GALNTL6: variants seen among roughly 807,000 people sequenced by gnomAD.
The protein encoded by GALNTL6 is polypeptide N-acetylgalactosaminyltransferase like 6, also known as polypeptide N-acetylgalactosaminyltransferase-like 6.
GALNTL6 carries 46 observed loss-of-function variants against 73.7 expected under a neutral mutation model. The observed-to-expected ratio is 0.62, with a 90% confidence interval of 0.49 to 0.80. The LOEUF (loss-of-function observed/expected upper bound fraction) is 0.80. Ranked by LOEUF, GALNTL6 falls within the 30% of genes least tolerant of loss-of-function variation. GALNTL6 has a pLI of 0.00. For missense variants in GALNTL6, 604 were observed against 755.0 expected, an observed-to-expected ratio of 0.80 and a Z score of 2.34; for synonymous variants, 259 against 263.7, an observed-to-expected ratio of 0.98 and a Z score of 0.17.
At position 172,952,253 on chromosome 4, in the gene GALNTL6, G is replaced by A. The variant is rs772106515; in HGVS notation, c.1366G>A (p.Gly456Arg). 6.2e-7 allele frequency: 1 copy of A among 1,612,868 alleles called. No individual in the cohort carries two copies. Among genetic ancestry groups the A allele is most frequent in the Non-Finnish European group, 8.5e-7 (1 of 1,179,174 alleles). ...PPVEPPPAAW[G>R]EIRNVAANLC... ...AGTGGAGCCCCCGCCTGCTGCCTGG[G>A]GGGAGGTGAGGAAAGGTTGCCTGAA... The change falls in exon 10 of 13, where the codon GGG (glycine) becomes AGG (arginine). Residue 456 changes from glycine (G) to arginine (R), a missense_variant. Physicochemically the swap from Gly to Arg is moderately radical, Grantham distance 125. Transcript: ENST00000506823.
chr4:171,996,640 A>G (rs887404424), intron 2 of GALNTL6, among the ~76,000 whole-genome samples: 1 of 151,502 alleles, frequency 6.6e-6, no homozygotes, highest in Non-Finnish European at 1.5e-5. Flanking sequence ...GAGGTGTCCA[A>G]TCTTTTTGCT....
intron 5 of GALNTL6, among the ~76,000 whole-genome samples, chr4:172,370,137 C>T (rs1224359539): frequency 1.3e-5 from 2 of 152,154 alleles, no homozygotes; most frequent in African/African-American, 4.8e-5. Flanking sequence ...TTGTAGTGTC[C>T]TCCAGAGGAG....
chr4:172,311,477 A>G (rs918207774), intron 3 of GALNTL6, 137 bp from the exon 4 acceptor site: 2 of 524,002 alleles, frequency 3.8e-6, no homozygotes, highest in East Asian at 6.8e-5. Flanking sequence ...TTAAAATAAT[A>G]TAATAAAATC....
rs1488044061 is a variant in GALNTL6, at chr4:171,908,946, A to T, written c.138+94228A>T. 2.2e-5 allele frequency among the ~76,000 whole-genome samples: 3 copies of T among 137,820 alleles called. No individual in the cohort carries two copies. The East Asian group carries it at 6.7e-4, about 31-fold the overall frequency. The allele number at this position is 137,820 out of a possible 152,430, so 90.4% of individuals were successfully genotyped here. ...ACTCATAGGTGGGAATTGAACAATG[A>T]GAACACATGGACACAGGAAGGGGAA... is the stretch of plus-strand genomic sequence containing the variant. On this transcript the variant is annotated intron_variant, in intron 2 of 12. Coordinates refer to ENST00000506823, the MANE Select transcript of GALNTL6 (RefSeq NM_001034845.3).
At chr4:173,001,582 CCA>C (rs1357859292) in intron 10 of GALNTL6, among the ~76,000 whole-genome samples, 1 of 151,962 alleles carries the variant, frequency 6.6e-6, no homozygotes, top group Non-Finnish European at 1.5e-5. Context: ...AAAAGGTAAC[CCA>C]CTGAATAGGA....
intron 10 of GALNTL6, among the ~76,000 whole-genome samples, chr4:173,008,344 T>G (rs1310848265): frequency 3.9e-5 from 6 of 152,244 alleles, no homozygotes; most frequent in African/African-American, 7.2e-5. Flanking sequence ...AAGTCTCCCA[T>G]TTTACTGAAG....
chr4:172,674,800 A>C (rs1001438401), intron 5 of GALNTL6, among the ~76,000 whole-genome samples: 1 of 152,122 alleles, frequency 6.6e-6, no homozygotes, highest in Non-Finnish European at 1.5e-5. Flanking sequence ...AAATTGATGT[A>C]GTATGTTTTT....
chr4:172,200,167 G>A (rs562685295), intron 2 of GALNTL6, among the ~76,000 whole-genome samples: 1 of 152,230 alleles, frequency 6.6e-6, no homozygotes, highest in South Asian at 2.1e-4. Context: ...TGCAGTATAG[G>A]TTTAATGGAA....
intron 5 of GALNTL6, among the ~76,000 whole-genome samples, chr4:172,587,839 T>C (rs752095002): frequency 2.0e-5 from 3 of 152,206 alleles, no homozygotes; most frequent in Non-Finnish European, 4.4e-5. Context: ...TGTACACACA[T>C]ATTCACACAT....
At chr4:171,826,506 A>T (rs1162668920) in intron 2 of GALNTL6, among the ~76,000 whole-genome samples, 2 of 152,064 alleles carry the variant, frequency 1.3e-5, no homozygotes, top group Non-Finnish European at 2.9e-5. Context: ...AAACATGCTG[A>T]GGTTTCTCCC....
At chr4:172,750,964 A>C (rs971709299) in intron 5 of GALNTL6, among the ~76,000 whole-genome samples, 1 of 152,162 alleles carries the variant, frequency 6.6e-6, no homozygotes, top group Non-Finnish European at 1.5e-5. Context: ...TGTATCTCCA[A>C]AAAAGGAGTC....
chr4:172,600,863 G>A (rs904486596), intron 5 of GALNTL6, among the ~76,000 whole-genome samples: 1 of 151,766 alleles, frequency 6.6e-6, no homozygotes, highest in Non-Finnish European at 1.5e-5. Flanking sequence ...CTCTATAATA[G>A]AAGATAACAA....
intron 2 of GALNTL6, among the ~76,000 whole-genome samples, chr4:171,925,114 T>C (rs1737938319): frequency 1.3e-5 from 2 of 152,090 alleles, no homozygotes; most frequent in African/African-American, 2.4e-5. Flanking sequence ...AGCAAATGTA[T>C]TGATGCACAA....
At chr4:172,698,249 C>G (rs534911380) in intron 5 of GALNTL6, among the ~76,000 whole-genome samples, 45 of 152,106 alleles carry the variant, frequency 3.0e-4, no homozygotes, top group African/African-American at 1.1e-3. Context: ...TCTGAGCCTG[C>G]CCGGTATTCA....
chr4:172,903,619 GTT>G (rs200827624), intron 8 of GALNTL6, among the ~76,000 whole-genome samples: 1 of 151,426 alleles, frequency 6.6e-6, no homozygotes, highest in African/African-American at 2.4e-5. Flanking sequence ...AGAGGCAAAA[GTT>G]TTTTTTTGCA....
At position 172,545,341 on chromosome 4, in the gene GALNTL6, C is replaced by T. The variant is rs565865579; in HGVS notation, c.553+196652C>T. 2.5e-4 allele frequency among the ~76,000 whole-genome samples: 38 copies of T among 151,912 alleles called. No homozygotes were observed. The Middle Eastern group carries it at 0.017, about 68-fold the overall frequency. On this transcript the variant is annotated intron_variant, in intron 5 of 12. Transcript: ENST00000506823. The stretch of plus-strand genomic sequence containing the variant: ...GCTGTGAAGAAAAAAGGTGAAGATC[C>T]GTGGGTAAGAGAACGTGAGTGAATT...
intron 5 of GALNTL6, among the ~76,000 whole-genome samples, chr4:172,378,972 T>C (rs1743155386): frequency 6.6e-6 from 1 of 152,222 alleles, no homozygotes; most frequent in South Asian, 2.1e-4. Flanking sequence ...TAGAATTTAG[T>C]CTTTTAGTTT....
At chr4:172,059,184 C>T (rs1292725017) in intron 2 of GALNTL6, among the ~76,000 whole-genome samples, 2 of 152,106 alleles carry the variant, frequency 1.3e-5, no homozygotes, top group Non-Finnish European at 2.9e-5. Flanking sequence ...TGCTTCTGCT[C>T]GTTTACTATG....
At chr4:172,587,886 G>A (rs755655018) in intron 5 of GALNTL6, among the ~76,000 whole-genome samples, 1 of 152,080 alleles carries the variant, frequency 6.6e-6, no homozygotes, top group Non-Finnish European at 1.5e-5. Context: ...CAAGCCCAAG[G>A]CTGGCCATGG....
Sources: gnomAD v4.1 joint callset for allele counts (sites outside exome capture counted in the v4.1 genomes callset) on GRCh38, gnomAD v4.1.1 for gene constraint, MANE v1.5 for transcripts, NCBI Gene and HGNC (gene_info 2026-07-23, HGNC 2026-07-21) for gene names.